Variants in AGBL4 observed in about 807,000 individuals in gnomAD.
The protein encoded by AGBL4 is cytosolic carboxypeptidase 6.
Under a neutral mutation model 66.4 loss-of-function variants are expected in AGBL4, and 58 were observed. That is an observed-to-expected ratio of 0.87 (90% confidence interval 0.71 to 1.09). The LOEUF (loss-of-function observed/expected upper bound fraction) is 1.09, where lower values mean the gene tolerates loss of function less well. AGBL4 is among the 50% of genes least tolerant of loss of function. AGBL4 has a pLI of 0.00. For synonymous variants in AGBL4, 234 were observed against 222.9 expected, an observed-to-expected ratio of 1.05 and a Z score of -0.44; for missense variants, 579 against 631.0, an observed-to-expected ratio of 0.92 and a Z score of 0.88.
At chr1:48,683,055 G>C (rs1029784390) in intron 6 of AGBL4, among the ~76,000 whole-genome samples, 3 of 152,224 alleles carry the variant, frequency 2.0e-5, no homozygotes, top group Non-Finnish European at 4.4e-5. Flanking sequence ...TTTAGACACA[G>C]GCTTTGGGTC....
At chr1:48,663,555 G>A (rs1264782800) in intron 6 of AGBL4, among the ~76,000 whole-genome samples, 1 of 152,132 alleles carries the variant, frequency 6.6e-6, no homozygotes, top group Non-Finnish European at 1.5e-5. Context: ...TAGGCAACTT[G>A]TGTATCCTTT....
chr1:49,768,475 T>G (rs1327921670), intron 2 of AGBL4, among the ~76,000 whole-genome samples: 1 of 152,208 alleles, frequency 6.6e-6, no homozygotes, highest in East Asian at 1.9e-4. Context: ...GAAACCCATA[T>G]CTTTTTATGT....
At chr1:49,770,749 T>G (rs141476846) in intron 2 of AGBL4, among the ~76,000 whole-genome samples, 3 of 152,208 alleles carry the variant, frequency 2.0e-5, no homozygotes, top group East Asian at 1.9e-4. Context: ...CTATGTTGTA[T>G]GTATTCAGGA....
intron 3 of AGBL4, among the ~76,000 whole-genome samples, chr1:49,380,840 T>C (rs1428360644): frequency 1.3e-5 from 2 of 152,050 alleles, no homozygotes; most frequent in Admixed American, 6.6e-5. Context: ...ATACAAAAAT[T>C]AATTCAAGAT....
chr1:48,863,108 A>T (rs4415617), intron 6 of AGBL4, among the ~76,000 whole-genome samples: 1 of 152,186 alleles, frequency 6.6e-6, no homozygotes, highest in South Asian at 2.1e-4. Flanking sequence ...AACTTAGTCT[A>T]AACAAGAATA....
In AGBL4 at chr1:48,851,969, T is replaced by C. The variant is rs145308699; in HGVS notation, c.634+15222A>G. Among the ~76,000 whole-genome samples, 67 of 145,004 alleles carry C rather than the reference T, an allele frequency of 4.6e-4. 1 individual carries two copies. In the South Asian group the frequency reaches 9.9e-3, roughly 21 times the overall value. On this transcript the variant is annotated intron_variant, in intron 6 of 13. Coordinates refer to ENST00000371839, the MANE Select transcript of AGBL4 (RefSeq NM_032785.4). ...ACCATCCTCAGAGAAGAACTTCCCA[T>C]AACAACATGAGCATTTCCAAGGTTC...
intron 3 of AGBL4, among the ~76,000 whole-genome samples, chr1:49,464,292 C>T (rs1008580323): frequency 8.6e-5 from 13 of 151,744 alleles, no homozygotes; most frequent in African/African-American, 3.1e-4. Flanking sequence ...GAGATTATTA[C>T]TGTTTTACAG....
intron 6 of AGBL4, among the ~76,000 whole-genome samples, chr1:48,840,910 A>C (rs569725314): frequency 1.3e-5 from 2 of 152,068 alleles, no homozygotes; most frequent in Non-Finnish European, 1.5e-5. Flanking sequence ...ATACAATTGA[A>C]TAATACAAGT....
At position 48,914,225 on chromosome 1, in the gene AGBL4, G is replaced by A. The variant is rs377222710; in HGVS notation, c.595-46995C>T. On this transcript the variant is annotated intron_variant, in intron 5 of 13. Transcript: ENST00000371839. ...AATTGCTAACAAAACTGACTGGAAG[G>A]GTGTGGTGGAGGAGATAGAAGGGCA... Among the ~76,000 whole-genome samples the A allele has an allele frequency of 4.7e-4, 71 of 152,292 alleles. 1 individual carries two copies. The South Asian group carries it at 9.9e-3, about 21-fold the overall frequency.
intron 1 of AGBL4, among the ~76,000 whole-genome samples, chr1:49,959,657 T>G (rs775457560): frequency 6.6e-6 from 1 of 152,064 alleles, no homozygotes; most frequent in Non-Finnish European, 1.5e-5. Flanking sequence ...CAACTGCCAT[T>G]TGACCCCACA....
At chr1:49,524,452 C>G (rs1650500851) in intron 3 of AGBL4, among the ~76,000 whole-genome samples, 1 of 152,006 alleles carries the variant, frequency 6.6e-6, no homozygotes, top group Non-Finnish European at 1.5e-5. Flanking sequence ...AAAGTAGGAG[C>G]AGGATCATTT....
At chr1:48,543,267 G>A (rs866583807) in intron 11 of AGBL4, among the ~76,000 whole-genome samples, 7 of 152,160 alleles carry the variant, frequency 4.6e-5, no homozygotes, top group African/African-American at 1.7e-4. Context: ...ACCTGAGGTT[G>A]GTCCTAGAGG....
chr1:49,601,409 A>G (rs1644955661), intron 3 of AGBL4, among the ~76,000 whole-genome samples: 1 of 151,372 alleles, frequency 6.6e-6, no homozygotes, highest in Non-Finnish European at 1.5e-5. Context: ...CCTTTCTTCC[A>G]CTTGATAGAT....
Position 49,690,880 on chromosome 1 carries a change from C to T in AGBL4, c.282+6433G>A, listed in dbSNP as rs577958056. 2.0e-5 allele frequency among the ~76,000 whole-genome samples: 3 copies of T among 152,244 alleles called. No individual in the cohort carries two copies. The South Asian group carries it at 6.2e-4, about 32-fold the overall frequency. On this transcript the variant is annotated intron_variant, in intron 3 of 13. Coordinates refer to ENST00000371839, the MANE Select transcript of AGBL4 (RefSeq NM_032785.4). Reference sequence around the variant, plus strand: ...ACGCTATTAGGTACTATTAACCCCACTGAATAAATATAGAAATTAATAATT... The same window carrying T: ...ACGCTATTAGGTACTATTAACCCCATTGAATAAATATAGAAATTAATAATT...
At chr1:49,288,221 G>C (rs1380416994) in intron 3 of AGBL4, among the ~76,000 whole-genome samples, 9 of 115,780 alleles carry the variant, frequency 7.8e-5, no homozygotes, top group African/African-American at 1.6e-4. Flanking sequence ...TGGTGGGGTG[G>C]GGGGAGGGGG....
rs372989810 is a variant in AGBL4, at chr1:49,962,233, C to T, written c.34+61530G>A. On this transcript the variant is annotated intron_variant, in intron 1 of 13. Coordinates refer to ENST00000371839, the MANE Select transcript of AGBL4 (RefSeq NM_032785.4). Reference sequence around the variant, plus strand: ...ATAGAGTGCATGAATTTCATGATCGCCAATCCCTTCGTTAAGTTGTCTAAT... The same window carrying T: ...ATAGAGTGCATGAATTTCATGATCGTCAATCCCTTCGTTAAGTTGTCTAAT... Among the ~76,000 whole-genome samples, 51 of 152,166 alleles carry T rather than the reference C, an allele frequency of 3.4e-4. 1 individual carries two copies. The South Asian group carries it at 9.3e-3, about 28-fold the overall frequency.
intron 5 of AGBL4, among the ~76,000 whole-genome samples, chr1:49,003,858 C>T (rs1288536268): frequency 1.3e-5 from 2 of 152,172 alleles, no homozygotes; most frequent in Non-Finnish European, 2.9e-5. Context: ...ACATGAATCC[C>T]CTTAGTAATA....
intron 5 of AGBL4, among the ~76,000 whole-genome samples, chr1:48,954,043 CAT>C (rs1557496714): frequency 6.6e-6 from 1 of 152,306 alleles, no homozygotes; most frequent in East Asian, 1.9e-4. Flanking sequence ...GGGCTTCAGA[CAT>C]AGTAGTGCCT....
At chr1:49,909,648 A>G (rs1409067394) in intron 1 of AGBL4, among the ~76,000 whole-genome samples, 1 of 152,172 alleles carries the variant, frequency 6.6e-6, no homozygotes, top group Non-Finnish European at 1.5e-5. Context: ...TTTAGTCTAA[A>G]GCAGATGAGA....
Sources: allele counts gnomAD v4.1 joint callset (sites outside exome capture counted in the v4.1 genomes callset), GRCh38; gene constraint gnomAD v4.1.1; transcripts MANE v1.5; gene names NCBI Gene and HGNC (gene_info 2026-07-23, HGNC 2026-07-21).